The following ADGRL4 variants were observed in gnomAD, a reference collection of about 807,000 sequenced individuals.
ADGRL4 encodes the protein adhesion G protein-coupled receptor L4.
In ADGRL4, 90 loss-of-function variants were observed where a neutral mutation model predicts 74.8. The observed-to-expected ratio is 1.20, with a 90% CI of 1.02 to 1.43. The LOEUF (loss-of-function observed/expected upper bound fraction) is 1.43. ADGRL4 is among the 40% of genes most tolerant of loss of function. ADGRL4 has a pLI of 0.00. For missense variants in ADGRL4, 881 were observed against 814.3 expected (o/e 1.08, Z -1.00); for synonymous variants, 311 against 279.2 (o/e 1.11, Z -1.14).
intron 2 of ADGRL4, among the ~76,000 whole-genome samples, chr1:78,963,058 A>G (rs1322620872): frequency 6.6e-6 from 1 of 152,200 alleles, no homozygotes; most frequent in Non-Finnish European, 1.5e-5. Flanking sequence ...AAAAAAGATC[A>G]TAATTTACTG....
rs1012369657 is a variant in ADGRL4, at chr1:78,946,360, C to A, written c.239G>T (p.Gly80Val). ...AGGTACACACATACAATAATAACTT[C>A]CTTCTGTGTTAGTGCAATTAGCATT... ...GENANCTNTE[G>V]SYYCMCVPGF... The change falls in exon 3 of 15, where the codon GGA becomes GTA. Residue 80 changes from glycine to valine, a missense_variant. Gly to Val is a moderately radical substitution (Grantham distance 109, BLOSUM62 -3). Transcript: ENST00000370742. The A allele has an allele frequency of 3.7e-6, 6 of 1,613,042 alleles. No individual in the cohort carries two copies. The highest frequency in any genetic ancestry group is 1.7e-5 in the Admixed American group (1 of 59,918).
chr1:78,969,707 GTT>G (rs3063120), intron 2 of ADGRL4, among the ~76,000 whole-genome samples: 43,347 of 143,878 alleles, frequency 0.3, 6,379 homozygotes, highest in African/African-American at 0.33. Context: ...TGATTTGTGG[GTT>G]TTTTTTTTTT....
chr1:78,927,937 GTGTCGTCT>G (rs1230786023), intron 7 of ADGRL4, among the ~76,000 whole-genome samples: 1 of 147,142 alleles, frequency 6.8e-6, no homozygotes, highest in Non-Finnish European at 1.5e-5. Context: ...TTTTCCTCAA[GTGTCGTCT>G]TACAAAACTT....
chr1:79,004,050 T>A (rs906445890), intron 2 of ADGRL4, among the ~76,000 whole-genome samples: 1 of 152,084 alleles, frequency 6.6e-6, no homozygotes, highest in South Asian at 2.1e-4. Context: ...ACACGGCATA[T>A]TTAATCTTTT....
intron 6 of ADGRL4, among the ~76,000 whole-genome samples, 170 bp from the exon 7 acceptor site, chr1:78,936,581 A>T (rs1411113794): frequency 6.6e-6 from 1 of 152,154 alleles, no homozygotes; most frequent in African/African-American, 2.4e-5. Context: ...ATATGTTAAA[A>T]ATCTGACTCA....
At chr1:78,898,716 AT>A (rs1181403195) in intron 12 of ADGRL4, among the ~76,000 whole-genome samples, 1 of 152,110 alleles carries the variant, frequency 6.6e-6, no homozygotes, top group African/African-American at 2.4e-5. Context: ...ATAAAGCAAT[AT>A]TTTAAATTTA....
intron 2 of ADGRL4, among the ~76,000 whole-genome samples, chr1:78,960,081 A>C (rs903109474): frequency 1.1e-4 from 17 of 152,182 alleles, no homozygotes; most frequent in Admixed American, 2.0e-4. Flanking sequence ...CAAAAAACAC[A>C]AAGATGAATC....
At chr1:78,922,656 A>G (rs915985161) in intron 8 of ADGRL4, among the ~76,000 whole-genome samples, 1 of 152,004 alleles carries the variant, frequency 6.6e-6, no homozygotes, top group African/African-American at 2.4e-5. Flanking sequence ...ACACTTAACT[A>G]GGTGCTTGCT....
intron 12 of ADGRL4, among the ~76,000 whole-genome samples, chr1:78,915,288 G>A (rs140102517): frequency 8.8e-4 from 134 of 151,754 alleles, no homozygotes; most frequent in African/African-American, 2.9e-3. Flanking sequence ...CATTTGGCTC[G>A]AAATCAGGGG....
chr1:78,965,298 G>C (rs940673402), intron 2 of ADGRL4, among the ~76,000 whole-genome samples: 5 of 152,022 alleles, frequency 3.3e-5, no homozygotes, highest in Non-Finnish European at 5.9e-5. Flanking sequence ...AAAACTGACG[G>C]ATCATTCAAT....
chr1:78,952,454 C>T (rs1649750551), intron 2 of ADGRL4, among the ~76,000 whole-genome samples: 1 of 150,080 alleles, frequency 6.7e-6, no homozygotes, highest in Non-Finnish European at 1.5e-5. Flanking sequence ...CACTATCCTT[C>T]TCAATCAATT....
At chr1:78,906,521 C>G (rs902234574) in intron 12 of ADGRL4, among the ~76,000 whole-genome samples, 5 of 151,742 alleles carry the variant, frequency 3.3e-5, no homozygotes, top group African/African-American at 9.7e-5. Context: ...GATTTTAAAC[C>G]ATGGAAAGGA....
chr1:78,998,946 T>C (rs1327457875), intron 2 of ADGRL4, among the ~76,000 whole-genome samples: 1 of 152,172 alleles, frequency 6.6e-6, no homozygotes, highest in East Asian at 1.9e-4. Flanking sequence ...TCATGTGAAG[T>C]GCTTAGAATA....
intron 2 of ADGRL4, among the ~76,000 whole-genome samples, chr1:78,979,277 C>A (rs17102553): frequency 2.0e-5 from 3 of 151,912 alleles, no homozygotes; most frequent in African/African-American, 7.2e-5. Context: ...AAATCCCATA[C>A]CTTGATTTAT....
At chr1:78,978,473 A>C (rs1308063712) in intron 2 of ADGRL4, among the ~76,000 whole-genome samples, 1 of 151,970 alleles carries the variant, frequency 6.6e-6, no homozygotes, top group Non-Finnish European at 1.5e-5. Context: ...AGTTTTCAAT[A>C]GTCAATGTTT....
intron 2 of ADGRL4, among the ~76,000 whole-genome samples, chr1:78,978,926 C>T (rs1455690712): frequency 1.3e-5 from 2 of 151,756 alleles, no homozygotes; most frequent in Non-Finnish European, 2.9e-5. Context: ...GTTGGTATTT[C>T]ACATTTTAAT....
chr1:78,969,132 CA>C (rs1380173376), intron 2 of ADGRL4, among the ~76,000 whole-genome samples: 1 of 152,154 alleles, frequency 6.6e-6, no homozygotes, highest in Non-Finnish European at 1.5e-5. Context: ...TTCCTGTGAA[CA>C]AAATTTGGAG....
intron 8 of ADGRL4, among the ~76,000 whole-genome samples, chr1:78,924,422 G>C (rs1032755139): frequency 2.6e-5 from 4 of 151,978 alleles, no homozygotes; most frequent in African/African-American, 9.7e-5. Context: ...GACATTGCTG[G>C]AGGAAACATG....
chr1:78,968,426 G>A (rs1650098887), intron 2 of ADGRL4, among the ~76,000 whole-genome samples: 1 of 144,228 alleles, frequency 6.9e-6, no homozygotes, highest in African/African-American at 2.6e-5. Flanking sequence ...TAAATAGCTT[G>A]TTTACTCATG....
Sources: allele counts gnomAD v4.1 joint callset (sites outside exome capture counted in the v4.1 genomes callset), GRCh38; gene constraint gnomAD v4.1.1; transcripts MANE v1.5; gene names NCBI Gene and HGNC (gene_info 2026-07-23, HGNC 2026-07-21).